The following RFC3 variants were observed in gnomAD, a reference collection of about 807,000 sequenced individuals.
RFC3 encodes the protein replication factor C subunit 3, also known as A1 38 kDa subunit.
A neutral mutation model predicts 45.1 loss-of-function variants in RFC3; 41 were observed. The ratio of observed to expected loss-of-function variants is 0.91; its 90% CI spans 0.71 to 1.18. The LOEUF (loss-of-function observed/expected upper bound fraction) is 1.18, where lower values mean the gene tolerates loss of function less well. Ranked by LOEUF, RFC3 falls within the 50% of genes most tolerant of loss-of-function variation. RFC3 has a pLI of 0.00. For synonymous variants in RFC3, 149 were observed against 144.0 expected (o/e 1.03, Z -0.25); for missense variants, 423 against 428.1 (o/e 0.99, Z 0.10).
chr13:33,941,258 A>G (rs933195644), intron 8 of RFC3, among the ~76,000 whole-genome samples: 1 of 151,644 alleles, frequency 6.6e-6, no homozygotes, highest in Admixed American at 6.6e-5. Flanking sequence ...CTTTTTGCCC[A>G]ATACATTCCT....
At chr13:33,949,792 C>G (rs988433305) in intron 8 of RFC3, among the ~76,000 whole-genome samples, 1 of 152,154 alleles carries the variant, frequency 6.6e-6, no homozygotes, top group Non-Finnish European at 1.5e-5. Context: ...TGAGCCTCAT[C>G]CAATAAATTG....
intron 8 of RFC3, among the ~76,000 whole-genome samples, chr13:33,924,870 T>G: frequency 6.6e-6 from 1 of 150,524 alleles, no homozygotes; most frequent in Non-Finnish European, 1.5e-5. Context: ...ATTGTATACT[T>G]AAAATTTGCT....
At chr13:33,911,954 C>T (rs562883736) in intron 8 of RFC3, among the ~76,000 whole-genome samples, 53 of 152,208 alleles carry the variant, frequency 3.5e-4, no homozygotes, top group African/African-American at 1.3e-3. Context: ...AGCTCATCCA[C>T]ACTTGATACT....
chr13:33,908,927 G>T (rs989962911), intron 8 of RFC3, among the ~76,000 whole-genome samples: 3 of 152,016 alleles, frequency 2.0e-5, no homozygotes, highest in Non-Finnish European at 4.4e-5. Context: ...TTGTGGGAGG[G>T]TCAACATTTG....
intron 8 of RFC3, among the ~76,000 whole-genome samples, chr13:33,873,593 G>A (rs536682629): frequency 6.6e-6 from 1 of 152,220 alleles, no homozygotes; most frequent in South Asian, 2.1e-4. Flanking sequence ...TTAACTTTTG[G>A]TTTTGCAAAG....
In RFC3 at chr13:33,831,349, A is replaced by G. The variant is rs773012392; in HGVS notation, c.804A>G (p.Pro268=). Residue 268 remains proline (P), a synonymous_variant, in exon 7 of 9, where the codon CCA becomes CCG. Transcript: ENST00000380071. ...ATGCTATTGTCAGTCAGCAAACTCC[A>G]CAAAGGTACCAGTATAAAATGATGA... The part of the protein sequence containing the change: ...TANAIVSQQT[P]QRLLEVRGRL... 1.3e-5 allele frequency: 20 copies of G among 1,560,520 alleles called. No homozygotes were observed. The highest frequency in any genetic ancestry group is 1.8e-5 in the Non-Finnish European group (20 of 1,131,202).
intron 8 of RFC3, among the ~76,000 whole-genome samples, chr13:33,873,460 CA>C (rs1406703506): frequency 1.3e-5 from 2 of 152,096 alleles, no homozygotes; most frequent in Non-Finnish European, 2.9e-5. Flanking sequence ...ATTATTATAC[CA>C]GAAATTTCTG....
Position 33,829,883 on chromosome 13 carries a change from G to A in RFC3, c.439G>A (p.Ala147Thr). The A allele has an allele frequency of 1.2e-6, 2 of 1,614,102 alleles. No individual in the cohort carries two copies. The highest frequency in any genetic ancestry group is 1.6e-4 in the Middle Eastern group (1 of 6,062). Residue 147 changes from alanine to threonine, a missense_variant, in exon 5 of 9, where the codon GCC (alanine) becomes ACC (threonine). Ala to Thr is a moderately conservative substitution (Grantham distance 58). Coordinates refer to ENST00000380071, the MANE Select transcript of RFC3 (RefSeq NM_002915.4). ...VDKLTKDAQH[A>T]LRRTMEKYMS... ...CAAACTCACCAAAGATGCTCAGCATGCCTTGCGAAGAACCATGGAAAAATA... is the reference window on the plus strand; with the variant it reads ...CAAACTCACCAAAGATGCTCAGCATACCTTGCGAAGAACCATGGAAAAATA...
At chr13:33,928,093 A>G (rs997706845) in intron 8 of RFC3, among the ~76,000 whole-genome samples, 1 of 152,082 alleles carries the variant, frequency 6.6e-6, no homozygotes, top group African/African-American at 2.4e-5. Flanking sequence ...AAGTAAAATA[A>G]TTTGTTCAAA....
chr13:33,899,544 G>C (rs1372335635), intron 8 of RFC3, among the ~76,000 whole-genome samples: 4 of 151,506 alleles, frequency 2.6e-5, no homozygotes, highest in African/African-American at 9.7e-5. Context: ...AAGTAATAAA[G>C]CCTGTATATG....
intron 7 of RFC3, among the ~76,000 whole-genome samples, chr13:33,832,472 C>G (rs1394352731): frequency 6.6e-6 from 1 of 152,078 alleles, no homozygotes; most frequent in Non-Finnish European, 1.5e-5. Flanking sequence ...CATGTATTCC[C>G]TGGTTACCAT....
intron 8 of RFC3, among the ~76,000 whole-genome samples, chr13:33,907,182 C>A (rs1322787661): frequency 6.6e-6 from 1 of 151,968 alleles, no homozygotes; most frequent in Non-Finnish European, 1.5e-5. Flanking sequence ...TTACTGAGTT[C>A]TAGTTCTAAT....
chr13:33,899,038 T>C (rs80215004), intron 8 of RFC3, among the ~76,000 whole-genome samples: 2,444 of 151,302 alleles, frequency 0.016, 56 homozygotes, highest in African/African-American at 0.049. Flanking sequence ...TAAAAGTATA[T>C]GACCTCATGG....
chr13:33,818,653 G>C (rs3135536), intron 1 of RFC3, among the ~76,000 whole-genome samples: 91 of 152,316 alleles, frequency 6.0e-4, no homozygotes, highest in African/African-American at 2.1e-3. Context: ...TCGGAGATGG[G>C]TGTATGTGTT....
At chr13:33,925,559 CATAGTGTACTATATACATACATAT>C (rs1225009039) in intron 8 of RFC3, among the ~76,000 whole-genome samples, 17,398 of 115,700 alleles carry the variant, frequency 0.15, 262 homozygotes, top group Non-Finnish European at 0.18. Context: ...TACATACATA[CATAGTGTACTATATACATACATAT>C]ATAGTGTACT....
At chr13:33,941,089 G>A (rs74502994) in intron 8 of RFC3, among the ~76,000 whole-genome samples, 2,368 of 152,264 alleles carry the variant, frequency 0.016, 43 homozygotes, top group African/African-American at 0.051. Flanking sequence ...CTGGACATGC[G>A]TACTGAGGGA....
At chr13:33,848,688 T>G (rs1485123202) in intron 8 of RFC3, 1 of 152,074 alleles carries the variant, frequency 6.6e-6, no homozygotes, top group Non-Finnish European at 1.5e-5. Context: ...TGTCATCAAA[T>G]GAACCATAAC....
rs565547919 is a variant in RFC3, at chr13:33,851,553, C to A, written c.879+16336C>A. On this transcript the variant is annotated intron_variant, in intron 8 of 8. Transcript: ENST00000434425. The stretch of plus-strand genomic sequence containing the variant: ...ATATATTTACTAAGTAGAAGTGGAT[C>A]ATTATAAAGGTCTTCATCCTTTCTG... 1.4e-4 allele frequency among the ~76,000 whole-genome samples: 22 copies of A among 152,122 alleles called. No homozygotes were observed. The South Asian group carries it at 4.2e-3, about 29-fold the overall frequency.
intron 8 of RFC3, among the ~76,000 whole-genome samples, chr13:33,886,525 A>T (rs1395866716): frequency 6.8e-6 from 1 of 146,246 alleles, no homozygotes; most frequent in African/African-American, 2.6e-5. Flanking sequence ...ACAGAGCAAG[A>T]CTCCATCTGA....
Sources: allele counts gnomAD v4.1 joint callset (sites outside exome capture counted in the v4.1 genomes callset), GRCh38; gene constraint gnomAD v4.1.1; transcripts MANE v1.5; gene names NCBI Gene and HGNC (gene_info 2026-07-23, HGNC 2026-07-21).